The following SDK1 variants were observed in gnomAD, a reference collection of about 807,000 sequenced individuals.
SDK1 encodes protein sidekick-1.
Under a neutral mutation model 245.5 loss-of-function variants are expected in SDK1, and 157 were observed. The observed-to-expected ratio is 0.64, with a 90% confidence interval of 0.56 to 0.73. The LOEUF (loss-of-function observed/expected upper bound fraction) is 0.73. Ranked by LOEUF, SDK1 falls within the 30% of genes least tolerant of loss-of-function variation. SDK1 has a pLI of 0.00. For synonymous variants in SDK1, 1,647 were observed against 1,278.5 expected, an observed-to-expected ratio of 1.29 and a Z score of -6.15; for missense variants, 3,583 against 3,002.3, an observed-to-expected ratio of 1.19 and a Z score of -4.52.
In SDK1 at chr7:3,436,546, A is replaced by C. The variant is rs79134933; in HGVS notation, c.298+134662A>C. ...GTGTTTTTAATCAATGAAGATTGAA[A>C]TTTGGCAACTGAGGTGATAAAAAAT... On this transcript the variant is annotated intron_variant, in intron 1 of 44. Coordinates refer to ENST00000404826, the MANE Select transcript of SDK1 (RefSeq NM_152744.4). Among the ~76,000 whole-genome samples, 88 of 152,314 alleles carry C rather than the reference A, an allele frequency of 5.8e-4. 1 individual carries two copies. The highest frequency in any genetic ancestry group is 2.5e-3 in the East Asian group (13 of 5,188).
intron 1 of SDK1, among the ~76,000 whole-genome samples, chr7:3,384,466 A>G (rs1287415678): frequency 6.6e-6 from 1 of 152,242 alleles, no homozygotes; most frequent in Non-Finnish European, 1.5e-5. Flanking sequence ...GAAGAGTCAC[A>G]GTGTATACTC....
intron 5 of SDK1, among the ~76,000 whole-genome samples, chr7:3,838,746 C>G (rs766994375): frequency 9.2e-5 from 14 of 152,196 alleles, no homozygotes; most frequent in Non-Finnish European, 2.1e-4. Flanking sequence ...TCAGCAGTTC[C>G]AAGCTGTGTC....
chr7:3,475,547 T>A (rs749707018), intron 1 of SDK1, among the ~76,000 whole-genome samples: 7 of 152,262 alleles, frequency 4.6e-5, no homozygotes, highest in Non-Finnish European at 8.8e-5. Flanking sequence ...ACGTCTTTTC[T>A]AATTGTGAAG....
chr7:4,110,863 G>A (rs780050085), intron 23 of SDK1, 91 bp downstream of exon 23: 33 of 841,380 alleles, frequency 3.9e-5, no homozygotes, highest in African/African-American at 1.0e-4. Context: ...CCAGTCGTAC[G>A]TATGCAAATC....
chr7:3,475,662 T>A (rs767843020), intron 1 of SDK1, among the ~76,000 whole-genome samples: 4 of 152,218 alleles, frequency 2.6e-5, no homozygotes, highest in Non-Finnish European at 5.9e-5. Flanking sequence ...CCCCTCCAGA[T>A]GAAAGTCCAG....
chr7:3,716,852 C>T (rs912065357), intron 4 of SDK1, among the ~76,000 whole-genome samples: 3 of 151,244 alleles, frequency 2.0e-5, no homozygotes, highest in Admixed American at 2.0e-4. Flanking sequence ...TGAGGTCCTC[C>T]AAACAGAAAG....
chr7:3,502,633 A>T (rs764528339), intron 1 of SDK1, among the ~76,000 whole-genome samples: 1 of 152,138 alleles, frequency 6.6e-6, no homozygotes, highest in Non-Finnish European at 1.5e-5. Context: ...CATTTTCAGA[A>T]CTACCCGTTT....
intron 32 of SDK1, 56 bp from the exon 33 acceptor site, chr7:4,174,166 C>T (rs1782026904): frequency 1.3e-6 from 2 of 1,596,296 alleles, no homozygotes; most frequent in South Asian, 1.1e-5. Flanking sequence ...AGCCCTGCTG[C>T]AGGCCAGCTG....
At chr7:3,519,655 T>C (rs967382512) in intron 1 of SDK1, among the ~76,000 whole-genome samples, 10 of 152,148 alleles carry the variant, frequency 6.6e-5, no homozygotes, top group Non-Finnish European at 1.3e-4. Flanking sequence ...TGTCCAGTTT[T>C]AGTCTGTCTC....
chr7:4,092,895 C>G (rs938919104), intron 22 of SDK1, among the ~76,000 whole-genome samples: 1 of 152,228 alleles, frequency 6.6e-6, no homozygotes, highest in Admixed American at 6.5e-5. Context: ...ACAACACTCT[C>G]TGCCAGAAGA....
At chr7:3,553,100 T>C (rs897595400) in intron 1 of SDK1, among the ~76,000 whole-genome samples, 2 of 152,168 alleles carry the variant, frequency 1.3e-5, no homozygotes, top group African/African-American at 4.8e-5. Flanking sequence ...TGGATTTCTT[T>C]CTGGTCTTTC....
chr7:3,971,171 T>C (rs908571089), intron 11 of SDK1, among the ~76,000 whole-genome samples: 2 of 152,078 alleles, frequency 1.3e-5, no homozygotes, highest in Non-Finnish European at 2.9e-5. Context: ...TTTTAGAGCC[T>C]AGAACCTCAT....
At chr7:3,978,486 A>G (rs1783142462) in intron 13 of SDK1, among the ~76,000 whole-genome samples, 1 of 152,216 alleles carries the variant, frequency 6.6e-6, no homozygotes. Context: ...TTTAAGTACA[A>G]ACTGGTTACA....
intron 5 of SDK1, among the ~76,000 whole-genome samples, chr7:3,884,052 GTTTGTTTGTTT>G (rs138664259): frequency 0.042 from 5,882 of 141,582 alleles, 411 homozygotes; most frequent in African/African-American, 0.15. Flanking sequence ...TTTTTTGTTT[GTTTGTTTGTTT>G]TTTGTTTGTT....
At position 3,537,060 on chromosome 7, in the gene SDK1, T is replaced by C. The variant is rs182383753; in HGVS notation, c.299-82020T>C. Among the ~76,000 whole-genome samples the C allele has an allele frequency of 3.4e-4, 52 of 152,340 alleles. 1 individual carries two copies. In the East Asian group the frequency reaches 9.8e-3, roughly 29 times the overall value. ...TATACCCTCTGAGTCTTTTACCCAC[T>C]GTACTTAAAATATAAAACATTCCAG... On this transcript the variant is annotated intron_variant, in intron 1 of 44. Coordinates refer to ENST00000404826, the MANE Select transcript of SDK1 (RefSeq NM_152744.4).
At chr7:3,942,023 C>T (rs1780388018) in intron 5 of SDK1, among the ~76,000 whole-genome samples, 2 of 151,812 alleles carry the variant, frequency 1.3e-5, no homozygotes, top group African/African-American at 4.8e-5. Flanking sequence ...ATTCTCCTGC[C>T]TCAGCCTCCC....
chr7:3,340,619 G>A (rs1016968075), intron 1 of SDK1, among the ~76,000 whole-genome samples: 2 of 151,748 alleles, frequency 1.3e-5, no homozygotes, highest in Non-Finnish European at 2.9e-5. Flanking sequence ...AAAAAATAGC[G>A]GGGCATGGTG....
At chr7:3,315,397 T>C (rs1414480091) in intron 1 of SDK1, among the ~76,000 whole-genome samples, 1 of 142,400 alleles carries the variant, frequency 7.0e-6, no homozygotes, top group Non-Finnish European at 1.5e-5. Context: ...GTGGTGGAAC[T>C]GATCTTTGAG....
At chr7:3,358,820 T>C (rs1272825752) in intron 1 of SDK1, among the ~76,000 whole-genome samples, 1 of 152,208 alleles carries the variant, frequency 6.6e-6, no homozygotes, top group Non-Finnish European at 1.5e-5. Context: ...TTCAAGCATT[T>C]AATAAATGTG....
Sources: allele counts gnomAD v4.1 joint callset (sites outside exome capture counted in the v4.1 genomes callset), GRCh38; gene constraint gnomAD v4.1.1; transcripts MANE v1.5; gene names NCBI Gene and HGNC (gene_info 2026-07-23, HGNC 2026-07-21).